MDH1B: variants seen among roughly 807,000 people sequenced by gnomAD.
The protein encoded by MDH1B is putative malate dehydrogenase 1B.
A neutral mutation model predicts 61.4 loss-of-function variants in MDH1B; 60 were observed. The observed-to-expected ratio is 0.98, with a 90% CI of 0.79 to 1.21. The LOEUF (loss-of-function observed/expected upper bound fraction) is 1.21, where lower values mean the gene tolerates loss of function less well. MDH1B is among the 50% of genes most tolerant of loss of function. The pLI, the probability that MDH1B is intolerant of heterozygous loss-of-function variation, is 0.00. For synonymous variants in MDH1B, 236 were observed against 218.7 expected, an observed-to-expected ratio of 1.08 and a Z score of -0.70; for missense variants, 587 against 632.1, an observed-to-expected ratio of 0.93 and a Z score of 0.76.
Position 206,746,380 on chromosome 2 carries a change from T to A in MDH1B, c.1263A>T (p.Lys421Asn). The change falls in exon 8 of 12, where the codon AAA becomes AAT. Residue 421 changes from lysine (K) to asparagine (N), a missense_variant. Physicochemically the swap from Lys to Asn is moderately conservative, Grantham distance 94 (BLOSUM62 0). Coordinates refer to ENST00000374412, the MANE Select transcript of MDH1B (RefSeq NM_001039845.3). ...GAACCACCCAAGTTCCATTCTCAAA[T>A]TTCACAGGCATAGAAAAGACGATCC... is the stretch of plus-strand genomic sequence containing the variant. ...PKGIVFSMPV[K>N]FENGTWVVLT... is the part of the protein sequence containing the mutation. 1 of 1,613,998 alleles carries A rather than the reference T, an allele frequency of 6.2e-7. No individual in the cohort carries two copies. Among genetic ancestry groups the A allele is most frequent in the Middle Eastern group, 1.6e-4 (1 of 6,062 alleles).
rs755837550 is a variant in MDH1B at position 206,755,409 on chromosome 2, G to A, written c.510C>T (p.Asn170=). ...TTTTGAGATGTTCTTCCGCCTGCTTGTTGTCAAATAGAGTTATGCTAATTT... is the reference window on the plus strand; with the variant it reads ...TTTTGAGATGTTCTTCCGCCTGCTTATTGTCAAATAGAGTTATGCTAATTT... ...HTEISITLFD[N]KQAEEHLKSL... Residue 170 remains asparagine, a synonymous_variant, in exon 5 of 12, where the codon AAC becomes AAT. Transcript: ENST00000374412. 2 of 1,614,096 alleles carry A rather than the reference G, an allele frequency of 1.2e-6. No homozygotes were observed. Among genetic ancestry groups the A allele is most frequent in the African/African-American group, 2.7e-5 (2 of 74,930 alleles).
intron 4 of MDH1B, 115 bp downstream of exon 4, chr2:206,756,783 A>C (rs1286489035): frequency 8.0e-6 from 9 of 1,126,912 alleles, no homozygotes; most frequent in Non-Finnish European, 5.1e-6. Context: ...ATACATACAC[A>C]CAAATTTCAA....
At chr2:206,758,883 A>T (rs1688923724) in intron 2 of MDH1B, among the ~76,000 whole-genome samples, 1 of 151,650 alleles carries the variant, frequency 6.6e-6, no homozygotes, top group African/African-American at 2.4e-5. Flanking sequence ...CACCTAAGTG[A>T]TAAGGAATGC....
chr2:206,751,363 A>T (rs1688428951), intron 5 of MDH1B, among the ~76,000 whole-genome samples: 1 of 152,180 alleles, frequency 6.6e-6, no homozygotes, highest in South Asian at 2.1e-4. Context: ...AAATTATTTC[A>T]CTGGTGTTTG....
At chr2:206,741,826 T>G (rs1423287336) in intron 9 of MDH1B, among the ~76,000 whole-genome samples, 3 of 152,166 alleles carry the variant, frequency 2.0e-5, no homozygotes, top group African/African-American at 7.2e-5. Flanking sequence ...GTTTTCGGGT[T>G]TCTGGAGTTG....
At chr2:206,756,535 T>G in intron 4 of MDH1B, 1 of 195,666 alleles carries the variant, frequency 5.1e-6, no homozygotes, top group Non-Finnish European at 1.0e-5. Context: ...GGGAGTGGGG[T>G]TACAGAGAGG....
Position 206,749,056 on chromosome 2 carries a change from G to C in MDH1B, c.1180C>G (p.Pro394Ala), listed in dbSNP as rs773284405. Residue 394 changes from proline (P) to alanine (A), a missense_variant, in exon 7 of 12, where the codon CCT (proline) becomes GCT (alanine). Pro to Ala is a conservative substitution (Grantham distance 27). Coordinates refer to ENST00000374412, the MANE Select transcript of MDH1B (RefSeq NM_001039845.3). Reference protein sequence around the residue: ...TLKYWYHGSPPGEIVSLGILS... With the variant: ...TLKYWYHGSPAGEIVSLGILS... Reference sequence around the variant, plus strand: ...ATTCCTAAAGATACAATCTCCCCAGGTGGTGAGCCATGGTACCAGTATTTC... The same window carrying C: ...ATTCCTAAAGATACAATCTCCCCAGCTGGTGAGCCATGGTACCAGTATTTC... 57 of 1,613,880 alleles carry C rather than the reference G, an allele frequency of 3.5e-5. No individual in the cohort carries two copies. Among genetic ancestry groups the C allele is most frequent in the Admixed American group, 5.0e-5 (3 of 59,998 alleles).
chr2:206,749,106 G>A lies in MDH1B; in HGVS notation c.1130C>T (p.Ala377Val), dbSNP rs774200873. The stretch of plus-strand genomic sequence containing the variant: ...CAGTGTAGTGGCTATACTGTGTGCA[G>A]CCAAAATGCCTCCAAATTGTCTTCC... The part of the protein sequence containing the change: ...TTGRQFGGIL[A>V]AHSIATTLKY... Residue 377 changes from alanine (A) to valine (V), a missense_variant, in exon 7 of 12, where the codon GCT becomes GTT. Physicochemically the swap from Ala to Val is moderately conservative, Grantham distance 64. Coordinates refer to ENST00000374412, the MANE Select transcript of MDH1B (RefSeq NM_001039845.3). 12 of 1,614,080 alleles carry A rather than the reference G, an allele frequency of 7.4e-6. No homozygotes were observed. The East Asian group carries it at 8.9e-5, about 12-fold the overall frequency.
At chr2:206,742,937 G>A (rs547100054) in intron 9 of MDH1B, among the ~76,000 whole-genome samples, 106 of 152,000 alleles carry the variant, frequency 7.0e-4, no homozygotes, top group Non-Finnish European at 1.4e-3. Flanking sequence ...GGATGGTCTC[G>A]ATCTCCTGAC....
At chr2:206,765,098 G>GCAAA (rs1689360101) in intron 1 of MDH1B, 152 bp downstream of exon 1, 1 of 908,228 alleles carries the variant, frequency 1.1e-6, no homozygotes, top group Admixed American at 5.0e-5. Flanking sequence ...CACAATGCTT[G>GCAAA]GCGCACCGTC....
intron 1 of MDH1B, among the ~76,000 whole-genome samples, chr2:206,763,493 T>C (rs1689226186): frequency 6.6e-6 from 1 of 152,140 alleles, no homozygotes; most frequent in Non-Finnish European, 1.5e-5. Context: ...GGTTTCTTGG[T>C]ATCCAGTCTT....
At chr2:206,743,307 T>C (rs1017926805) in intron 9 of MDH1B, among the ~76,000 whole-genome samples, 3 of 152,322 alleles carry the variant, frequency 2.0e-5, no homozygotes, top group African/African-American at 7.2e-5. Context: ...ACCAGTAGCA[T>C]CTGACAGTGT....
chr2:206,755,004 C>T lies in MDH1B; in HGVS notation c.910+5G>A. On this transcript the variant is annotated splice_donor_5th_base_variant and intron_variant, in intron 5 of 11. Coordinates refer to ENST00000374412, the MANE Select transcript of MDH1B (RefSeq NM_001039845.3). Reference sequence around the variant, plus strand: ...AAACAAAAACATAAAGAGACATTCACTCACATGAAGGAGCTGTCTTCAGTT... The same window carrying T: ...AAACAAAAACATAAAGAGACATTCATTCACATGAAGGAGCTGTCTTCAGTT... 4 of 1,607,092 alleles carry T rather than the reference C, an allele frequency of 2.5e-6. No individual in the cohort carries two copies. The highest frequency in any genetic ancestry group is 1.7e-6 in the Non-Finnish European group (2 of 1,175,138).
chr2:206,765,296 G>T lies in MDH1B; in HGVS notation c.-25C>A, dbSNP rs753415153. 4 of 1,586,136 alleles carry T rather than the reference G, an allele frequency of 2.5e-6. No individual in the cohort carries two copies. The Admixed American group carries it at 7.7e-5, about 31-fold the overall frequency. On this transcript the variant is annotated 5_prime_UTR_variant, in exon 1 of 12. Coordinates refer to ENST00000374412, the MANE Select transcript of MDH1B (RefSeq NM_001039845.3). ...TGGTCGAGAGAGACTCAGAGGCAGG[G>T]ACCGCGGCTTCGCGGTTTCCTGGCA... is the stretch of plus-strand genomic sequence containing the variant.
chr2:206,757,898 T>TA (rs1688856033), intron 2 of MDH1B, among the ~76,000 whole-genome samples: 1 of 152,216 alleles, frequency 6.6e-6, no homozygotes, highest in Admixed American at 6.5e-5. Context: ...TTATATAGGC[T>TA]AGGCCTTCCA....
intron 9 of MDH1B, 114 bp downstream of exon 9, chr2:206,745,508 A>G: frequency 1.2e-6 from 1 of 805,352 alleles, no homozygotes; most frequent in Non-Finnish European, 2.0e-6. Context: ...TCATTAGTTT[A>G]GAAATGACAA....
rs35837110 is a variant in MDH1B at position 206,752,792 on chromosome 2, C to CT, written c.911-1718dup. Reference sequence around the variant, plus strand: ...CTCTTGGCATGAATTTCCCCTCCTCCTTTTTTTTTTTTTTTCATTAAGAGC... The same window carrying CT: ...CTCTTGGCATGAATTTCCCCTCCTCCTTTTTTTTTTTTTTTTCATTAAGAGC... On this transcript the variant is annotated intron_variant, in intron 5 of 11. Coordinates refer to ENST00000374412, the MANE Select transcript of MDH1B (RefSeq NM_001039845.3). Among the ~76,000 whole-genome samples, 344 of 140,826 alleles carry CT rather than the reference C, an allele frequency of 2.4e-3. 2 individuals are homozygous for CT. Among genetic ancestry groups the CT allele is most frequent in the Non-Finnish European group, 2.7e-3 (177 of 65,192 alleles). 92.4% of individuals were successfully genotyped at this position (140,826 alleles called of 152,430 possible).
At chr2:206,749,318 G>T in intron 6 of MDH1B, 135 bp from the exon 7 acceptor site, 3 of 695,406 alleles carry the variant, frequency 4.3e-6, no homozygotes, top group Non-Finnish European at 4.6e-6. Context: ...TATTTCTAGT[G>T]TCTTTCCTCA....
At position 206,760,865 on chromosome 2, in the gene MDH1B, C is replaced by T. The variant is rs769269448; in HGVS notation, c.135+36G>A. On this transcript the variant is annotated intron_variant, in intron 2 of 11. Coordinates refer to ENST00000374412, the MANE Select transcript of MDH1B (RefSeq NM_001039845.3). ...TAATCAAATTAAAACACATTTTGTG[C>T]ATGAGTGAGTTCAACAAACTATAAA... is the stretch of plus-strand genomic sequence containing the variant. 11 of 1,171,212 alleles carry T rather than the reference C, an allele frequency of 9.4e-6. No individual in the cohort carries two copies. In the East Asian group the frequency reaches 1.9e-4, roughly 20 times the overall value. 72.6% of individuals were successfully genotyped at this position (1,171,212 alleles called of 1,614,324 possible). A position where few individuals can be genotyped will look rare whatever the true frequency, so the allele number is the denominator to read the frequency against.
Sources: gnomAD v4.1 joint callset for allele counts (sites outside exome capture counted in the v4.1 genomes callset) on GRCh38, gnomAD v4.1.1 for gene constraint, MANE v1.5 for transcripts, NCBI Gene and HGNC (gene_info 2026-07-23, HGNC 2026-07-21) for gene names.